CCDC91: variants seen among roughly 807,000 people sequenced by gnomAD.
CCDC91 encodes the protein coiled-coil domain-containing protein 91.
In CCDC91, 48 loss-of-function variants were observed where a neutral mutation model predicts 63.2. The observed-to-expected ratio is 0.76, with a 90% confidence interval of 0.60 to 0.97. The LOEUF (loss-of-function observed/expected upper bound fraction) is 0.97. Ranked by LOEUF, CCDC91 falls within the 50% of genes least tolerant of loss-of-function variation. The pLI, the probability that CCDC91 is intolerant of heterozygous loss-of-function variation, is 0.00. For missense variants in CCDC91, 500 were observed against 494.6 expected, an observed-to-expected ratio of 1.01 and a Z score of -0.10; for synonymous variants, 167 against 165.8, an observed-to-expected ratio of 1.01 and a Z score of -0.06.
chr12:28,392,157 G>A (rs1027033874), intron 8 of CCDC91, among the ~76,000 whole-genome samples: 19 of 152,082 alleles, frequency 1.2e-4, no homozygotes, highest in African/African-American at 4.6e-4. Context: ...TTTAATAAGT[G>A]GCTTGGAAGA....
At chr12:28,410,441 G>A (rs907364834) in intron 8 of CCDC91, among the ~76,000 whole-genome samples, 23 of 152,112 alleles carry the variant, frequency 1.5e-4, no homozygotes, top group African/African-American at 5.3e-4. Flanking sequence ...CTTGTAGGAA[G>A]CATATTATTG....
At chr12:28,534,363 A>G (rs1431256842) in intron 12 of CCDC91, among the ~76,000 whole-genome samples, 2 of 152,192 alleles carry the variant, frequency 1.3e-5, no homozygotes, top group East Asian at 3.8e-4. Context: ...ATAGTTATAT[A>G]CCAATGGCCA....
chr12:28,436,994 C>T (rs1306013767), intron 8 of CCDC91, among the ~76,000 whole-genome samples: 1 of 151,558 alleles, frequency 6.6e-6, no homozygotes, highest in African/African-American at 2.4e-5. Flanking sequence ...GTCTCCCAGG[C>T]TGGAATGCAG....
In CCDC91 at chr12:28,452,146, T is replaced by C. The variant is rs116118132; in HGVS notation, c.925-332T>C. 4.5e-3 allele frequency among the ~76,000 whole-genome samples: 686 copies of C among 151,574 alleles called. 8 individuals carry two copies. Among genetic ancestry groups the C allele is most frequent in the African/African-American group, 0.014 (578 of 41,514 alleles). ...AATTTCTAATATGTATTAATACATATGATCAACATAAACAAAATCTCTTTG... is the reference window on the plus strand; with the variant it reads ...AATTTCTAATATGTATTAATACATACGATCAACATAAACAAAATCTCTTTG... On this transcript the variant is annotated intron_variant, in intron 10 of 12. Coordinates refer to ENST00000536442, the MANE Select transcript of CCDC91 (RefSeq NM_018318.5).
chr12:28,432,522 T>G (rs937332717), intron 8 of CCDC91, among the ~76,000 whole-genome samples: 5 of 152,110 alleles, frequency 3.3e-5, no homozygotes, highest in African/African-American at 1.2e-4. Flanking sequence ...GACTGTAAGT[T>G]TTCTGAGGCC....
chr12:28,439,781 A>G (rs927279107), intron 8 of CCDC91, among the ~76,000 whole-genome samples: 4 of 135,328 alleles, frequency 3.0e-5, no homozygotes, highest in African/African-American at 8.2e-5. Flanking sequence ...CAGAACCTCT[A>G]TATTTATATT....
chr12:28,477,120 A>C (rs1329473123), intron 11 of CCDC91, among the ~76,000 whole-genome samples: 3 of 152,176 alleles, frequency 2.0e-5, no homozygotes, highest in African/African-American at 7.2e-5. Context: ...AACTCATTTT[A>C]TGAGGCCAGC....
intron 12 of CCDC91, among the ~76,000 whole-genome samples, chr12:28,504,440 A>G (rs1438723574): frequency 1.3e-5 from 2 of 152,100 alleles, no homozygotes; most frequent in South Asian, 4.1e-4. Flanking sequence ...GCTCTAATGG[A>G]TCAGAGAACA....
intron 6 of CCDC91, among the ~76,000 whole-genome samples, chr12:28,361,142 TTCA>T (rs1943849936): frequency 6.6e-6 from 1 of 151,610 alleles, no homozygotes; most frequent in Admixed American, 6.6e-5. Flanking sequence ...GTTTTTCCAC[TTCA>T]TTATTTATCA....
chr12:28,266,110 A>G (rs923453363), intron 3 of CCDC91, among the ~76,000 whole-genome samples: 28 of 152,136 alleles, frequency 1.8e-4, no homozygotes, highest in African/African-American at 5.3e-4. Flanking sequence ...GCTTCTATAA[A>G]GCTGTGAATT....
chr12:28,261,483 A>G (rs1946819703), intron 3 of CCDC91, among the ~76,000 whole-genome samples: 1 of 151,964 alleles, frequency 6.6e-6, no homozygotes, highest in Non-Finnish European at 1.5e-5. Flanking sequence ...GAAAATTTCA[A>G]AGAAGCTATG....
chr12:28,330,146 G>A (rs1941375072), intron 6 of CCDC91, among the ~76,000 whole-genome samples: 1 of 152,152 alleles, frequency 6.6e-6, no homozygotes, highest in Non-Finnish European at 1.5e-5. Flanking sequence ...TGGGATAGCT[G>A]GGTCAAATGC....
chr12:28,501,418 G>A (rs1435996289), intron 12 of CCDC91, among the ~76,000 whole-genome samples: 2 of 151,826 alleles, frequency 1.3e-5, no homozygotes, highest in Non-Finnish European at 2.9e-5. Context: ...TAGCATGAAG[G>A]GTTGTTGAAT....
chr12:28,350,070 A>G (rs906895156), intron 6 of CCDC91, among the ~76,000 whole-genome samples: 1 of 152,036 alleles, frequency 6.6e-6, no homozygotes, highest in Non-Finnish European at 1.5e-5. Context: ...TCATTTTGCT[A>G]TTAAAGTTAG....
chr12:28,195,698 C>T (rs1460568557), intron 1 of CCDC91, among the ~76,000 whole-genome samples: 1 of 152,128 alleles, frequency 6.6e-6, no homozygotes, highest in African/African-American at 2.4e-5. Context: ...TTTAGAATCT[C>T]TTTATTTCTA....
intron 10 of CCDC91, among the ~76,000 whole-genome samples, chr12:28,450,649 A>G (rs1203348642): frequency 6.6e-6 from 1 of 151,856 alleles, no homozygotes; most frequent in African/African-American, 2.4e-5. Context: ...TTAGTTACTT[A>G]TTATAAAGAA....
intron 1 of CCDC91, among the ~76,000 whole-genome samples, chr12:28,197,813 T>C (rs1941898077): frequency 6.6e-6 from 1 of 152,104 alleles, no homozygotes; most frequent in Non-Finnish European, 1.5e-5. Flanking sequence ...CTTAAGTCTA[T>C]TCTTATTTTC....
chr12:28,306,268 A>G, intron 4 of CCDC91, among the ~76,000 whole-genome samples: 1 of 152,112 alleles, frequency 6.6e-6, no homozygotes, highest in East Asian at 1.9e-4. Flanking sequence ...TAGCTGCTGA[A>G]GGTAGTCCCA....
intron 12 of CCDC91, among the ~76,000 whole-genome samples, chr12:28,528,087 G>C (rs1047508230): frequency 9.2e-5 from 14 of 152,152 alleles, no homozygotes; most frequent in Non-Finnish European, 1.6e-4. Context: ...CTGCACGCTG[G>C]ATTCATGCCC....
Sources: allele counts gnomAD v4.1 joint callset (sites outside exome capture counted in the v4.1 genomes callset), GRCh38; gene constraint gnomAD v4.1.1; transcripts MANE v1.5; gene names NCBI Gene and HGNC (gene_info 2026-07-23, HGNC 2026-07-21).